The following OTOGL variants were observed in gnomAD, a reference collection of about 807,000 sequenced individuals.
The protein encoded by OTOGL is otogelin like, also known as otogelin-like protein.
OTOGL carries 285 observed loss-of-function variants against 318.5 expected under a neutral mutation model. The observed-to-expected ratio is 0.89, with a 90% confidence interval of 0.81 to 0.99. The LOEUF (loss-of-function observed/expected upper bound fraction) is 0.99, where lower values mean the gene tolerates loss of function less well. Among genes scored for constraint, OTOGL ranks in the 50% least tolerant of loss-of-function variants. OTOGL has a pLI of 0.00. For synonymous variants in OTOGL, 987 were observed against 936.5 expected (o/e 1.05, Z -0.99); for missense variants, 2,899 against 2,845.6 (o/e 1.02, Z -0.43).
chr12:80,339,349 C>A, intron 43 of OTOGL, 85 bp downstream of exon 43: 2 of 1,103,088 alleles, frequency 1.8e-6, no homozygotes, highest in South Asian at 1.6e-5. Context: ...CATTTTGGAC[C>A]CTGTTGCCCC....
intron 1 of OTOGL, among the ~76,000 whole-genome samples, chr12:80,110,813 T>C (rs886808251): frequency 5.9e-5 from 9 of 152,202 alleles, no homozygotes; most frequent in Non-Finnish European, 8.8e-5. Flanking sequence ...TTCTAGATCT[T>C]TGAGGAATCG....
intron 26 of OTOGL, among the ~76,000 whole-genome samples, chr12:80,289,395 A>G (rs750280511): frequency 1.4e-4 from 22 of 152,194 alleles, no homozygotes; most frequent in Non-Finnish European, 2.8e-4. Flanking sequence ...TTGAGGAGGC[A>G]GTCTGTCCCT....
At chr12:80,147,964 G>T (rs1872516441) in intron 1 of OTOGL, among the ~76,000 whole-genome samples, 1 of 152,176 alleles carries the variant, frequency 6.6e-6, no homozygotes, top group Non-Finnish European at 1.5e-5. Context: ...CACGTGAGAT[G>T]GGTTTCCTGA....
intron 1 of OTOGL, among the ~76,000 whole-genome samples, chr12:80,102,532 G>T (rs986548835): frequency 6.6e-6 from 1 of 151,964 alleles, no homozygotes; most frequent in Non-Finnish European, 1.5e-5. Context: ...TTCTTGAACC[G>T]GCTACTTCTC....
chr12:80,179,637 A>G (rs1874780505), intron 1 of OTOGL, among the ~76,000 whole-genome samples: 4 of 152,196 alleles, frequency 2.6e-5, no homozygotes, highest in Non-Finnish European at 5.9e-5. Context: ...ATAAGGAATC[A>G]TTGATGGACT....
At chr12:80,300,567 G>A (rs969071268) in intron 27 of OTOGL, among the ~76,000 whole-genome samples, 1 of 152,136 alleles carries the variant, frequency 6.6e-6, no homozygotes. Context: ...GGCAATTACA[G>A]AGCATTAAAC....
chr12:80,184,733 G>A (rs1045318963), intron 1 of OTOGL, among the ~76,000 whole-genome samples: 1 of 152,282 alleles, frequency 6.6e-6, no homozygotes, highest in African/African-American at 2.4e-5. Flanking sequence ...TCGGTGTTGA[G>A]GATTTCATTG....
chr12:80,238,862 G>C lies in OTOGL; in HGVS notation c.829G>C (p.Glu277Gln). The C allele has an allele frequency of 1.3e-6, 2 of 1,548,704 alleles. No individual in the cohort carries two copies. Among genetic ancestry groups the C allele is most frequent in the Non-Finnish European group, 1.7e-6 (2 of 1,152,822 alleles). ...CCTGTGTGAAATAGAGGACTATACA[G>C]AAGACATCGCTATGTTTGCAAATAG... ...DFIILQEDYT[E>Q]DIAMFANSWS... Residue 277 changes from glutamate to glutamine, a missense_variant, in exon 10 of 59, where the codon GAA (glutamate) becomes CAA (glutamine). This residue lies in a region of OTOGL where 2,607 missense variants were observed against 2,524.9 expected (regional missense o/e 1.03). Coordinates refer to ENST00000547103, the MANE Select transcript of OTOGL (RefSeq NM_001378609.3).
chr12:80,276,718 G>A (rs900178992), intron 24 of OTOGL, among the ~76,000 whole-genome samples: 6 of 151,480 alleles, frequency 4.0e-5, no homozygotes, highest in Admixed American at 1.3e-4. Context: ...ATTGTTGGTC[G>A]GAAAGAAAGA....
intron 44 of OTOGL, among the ~76,000 whole-genome samples, chr12:80,350,231 G>A (rs144107045): frequency 5.9e-5 from 9 of 152,182 alleles, no homozygotes; most frequent in Admixed American, 1.3e-4. Flanking sequence ...CAAATTACAG[G>A]ATTTCATTCT....
chr12:80,159,861 C>A (rs867450934), intron 1 of OTOGL, among the ~76,000 whole-genome samples: 2 of 151,888 alleles, frequency 1.3e-5, no homozygotes, highest in Non-Finnish European at 2.9e-5. Flanking sequence ...ACTATAAGGC[C>A]ATAGTCACCA....
chr12:80,327,339 C>T (rs1033677434), intron 35 of OTOGL, among the ~76,000 whole-genome samples: 2 of 152,116 alleles, frequency 1.3e-5, no homozygotes, highest in South Asian at 2.1e-4. Flanking sequence ...GGGATTCTTA[C>T]CAAGTCCAGA....
chr12:80,363,663 C>A (rs1197979224), intron 52 of OTOGL, among the ~76,000 whole-genome samples: 2 of 152,148 alleles, frequency 1.3e-5, no homozygotes, highest in Non-Finnish European at 2.9e-5. Flanking sequence ...AGTGGAGCAG[C>A]TGAGAGTAGA....
At chr12:80,219,762 A>G in intron 5 of OTOGL, 52 bp from the exon 6 acceptor site, 2 of 1,209,990 alleles carry the variant, frequency 1.7e-6, no homozygotes, top group Non-Finnish European at 2.4e-6. Context: ...TATTATGCTT[A>G]AAAGAACAAA....
At chr12:80,272,328 A>G (rs566099782) in intron 24 of OTOGL, among the ~76,000 whole-genome samples, 1 of 148,582 alleles carries the variant, frequency 6.7e-6, no homozygotes, top group South Asian at 2.1e-4. Context: ...TTTAAGCCTC[A>G]ATTAGGCATT....
intron 1 of OTOGL, among the ~76,000 whole-genome samples, chr12:80,131,427 A>C (rs751312703): frequency 6.6e-6 from 1 of 152,196 alleles, no homozygotes; most frequent in Non-Finnish European, 1.5e-5. Flanking sequence ...CAGGAACTTT[A>C]TTTTTGTATT....
intron 26 of OTOGL, among the ~76,000 whole-genome samples, chr12:80,285,269 T>C (rs561400827): frequency 1.3e-5 from 2 of 152,256 alleles, no homozygotes; most frequent in South Asian, 4.1e-4. Flanking sequence ...CTTGCTGTTT[T>C]GGTTACTATA....
At chr12:80,220,434 C>T (rs1202105491) in intron 6 of OTOGL, among the ~76,000 whole-genome samples, 3 of 152,128 alleles carry the variant, frequency 2.0e-5, no homozygotes, top group Non-Finnish European at 2.9e-5. Context: ...GCTGGGATTA[C>T]AGGCATGAGC....
chr12:80,168,531 A>T (rs1873978714), intron 1 of OTOGL, among the ~76,000 whole-genome samples: 1 of 152,218 alleles, frequency 6.6e-6, no homozygotes, highest in Non-Finnish European at 1.5e-5. Flanking sequence ...GTTCCTCATC[A>T]CTTTGCACCG....
Sources: allele counts gnomAD v4.1 joint callset (sites outside exome capture counted in the v4.1 genomes callset), GRCh38; gene constraint gnomAD v4.1.1; regional missense constraint gnomAD v4.1.1; transcripts MANE v1.5; gene names NCBI Gene and HGNC (gene_info 2026-07-23, HGNC 2026-07-21).